Variants in CLEC7A observed in about 807,000 individuals in gnomAD.
CLEC7A encodes the protein C-type lectin domain family 7 member A.
A neutral mutation model predicts 26.9 loss-of-function variants in CLEC7A; 25 were observed. The observed-to-expected ratio is 0.93, with a 90% CI of 0.68 to 1.30. The LOEUF (loss-of-function observed/expected upper bound fraction) is 1.30, where lower values mean the gene tolerates loss of function less well. Ranked by LOEUF, CLEC7A falls within the 50% of genes most tolerant of loss-of-function variation. The pLI is 0.00. For missense variants in CLEC7A, 275 were observed against 286.7 expected (o/e 0.96, Z 0.29); for synonymous variants, 100 against 99.5 (o/e 1.01, Z -0.03).
chr12:10,118,342 CA>C lies in CLEC7A; in HGVS notation c.*115del. ...TTTCTTGGTTAAGATTACAGTTGGC[CA>C]AGCTCTCTAAACATTTTCTGCATTT... On this transcript the variant is annotated 3_prime_UTR_variant, in exon 6 of 6. Transcript: ENST00000304084. 1 of 996,082 alleles carries C rather than the reference CA, an allele frequency of 1.0e-6. No individual in the cohort carries two copies. The highest frequency in any genetic ancestry group is 1.5e-6 in the Non-Finnish European group (1 of 668,528). The allele number at this position is 996,082 out of a possible 1,614,324, so 61.7% of individuals were successfully genotyped here. A position where few individuals can be genotyped will look rare whatever the true frequency, so the allele number is the denominator to read the frequency against.
intron 5 of CLEC7A, among the ~76,000 whole-genome samples, chr12:10,120,608 T>G (rs903681603): frequency 1.3e-5 from 2 of 151,220 alleles, no homozygotes; most frequent in Non-Finnish European, 3.0e-5. Context: ...TTTTTTTTTT[T>G]GTAGAGATGG....
At position 10,125,350 on chromosome 12, in the gene CLEC7A, G is replaced by A. The variant is rs1452846421; in HGVS notation, c.439C>T (p.Gln147Ter). The part of the protein sequence containing the change: ...SLNSWDGSKR[Q>*]CWQLGSNLLK... Reference sequence around the variant, plus strand: ...AGATTAGAGCCCAGTTGCCAGCATTGTCTTTTACTTCCATCCCAGGAATTT... The same window carrying A: ...AGATTAGAGCCCAGTTGCCAGCATTATCTTTTACTTCCATCCCAGGAATTT... Residue 147 changes from glutamine to a stop codon, truncating the protein, a stop_gained, in exon 4 of 6, where the codon CAA becomes TAA. Coordinates refer to ENST00000304084, the MANE Select transcript of CLEC7A (RefSeq NM_197947.3). LOFTEE classifies it high-confidence loss of function. 5.0e-6 allele frequency: 8 copies of A among 1,613,520 alleles called. No individual in the cohort carries two copies. In the Admixed American group the frequency reaches 1.0e-4, roughly 20 times the overall value.
rs1947933376 is a variant in CLEC7A at position 10,117,004 on chromosome 12, T to C, written c.*1454A>G. 1 of 152,106 alleles carries C rather than the reference T, an allele frequency of 6.6e-6. No individual in the cohort carries two copies. Among genetic ancestry groups the C allele is most frequent in the African/African-American group, 2.4e-5 (1 of 41,420 alleles). The allele number at this position is 152,106 out of a possible 1,614,324, so 9.4% of individuals were successfully genotyped here. A position where few individuals can be genotyped will look rare whatever the true frequency, so the allele number is the denominator to read the frequency against. ...AGACAAATCAGCACATGAGGAAATA[T>C]AGTTTCATTCCAATAATACCATTTT... On this transcript the variant is annotated 3_prime_UTR_variant, in exon 6 of 6. Transcript: ENST00000304084.
chr12:10,128,075 G>GA (rs34193393), intron 1 of CLEC7A, among the ~76,000 whole-genome samples: 97,698 of 149,354 alleles, frequency 0.65, 35,629 homozygotes, highest in Non-Finnish European at 0.83. Context: ...AACAAAGAAA[G>GA]AAAAAAAATT....
intron 4 of CLEC7A, among the ~76,000 whole-genome samples, chr12:10,123,717 C>T (rs1213464546): frequency 7.3e-6 from 1 of 137,454 alleles, no homozygotes; most frequent in Non-Finnish European, 1.5e-5. Context: ...GCCGAGATTG[C>T]GCCACTGCAG....
At chr12:10,127,946 G>T in intron 1 of CLEC7A, 101 bp from the exon 2 acceptor site, 1 of 761,068 alleles carries the variant, frequency 1.3e-6, no homozygotes, top group Non-Finnish European at 2.1e-6. Flanking sequence ...CTTGCACGGT[G>T]GCTCACACCT....
chr12:10,123,412 GA>G (rs1223735216), intron 4 of CLEC7A, 49 bp from the exon 5 acceptor site: 1 of 1,019,682 alleles, frequency 9.8e-7, no homozygotes, highest in African/African-American at 1.6e-5. Flanking sequence ...GAGAGAGAGA[GA>G]AAGAAACTAT....
rs1325465330 is a variant in CLEC7A, at chr12:10,117,544, A to G, written c.*914T>C. 1 of 151,938 alleles carries G rather than the reference A, an allele frequency of 6.6e-6. No homozygotes were observed. Among genetic ancestry groups the G allele is most frequent in the Non-Finnish European group, 1.5e-5 (1 of 68,090 alleles). The allele number at this position is 151,938 out of a possible 1,614,324, so 9.4% of individuals were successfully genotyped here. ...AAACTCTGTCTCAAAAAAAAAAAAA[A>G]AAAAAAAGATTCTATTAGAGATATG... is the stretch of plus-strand genomic sequence containing the variant. On this transcript the variant is annotated 3_prime_UTR_variant, in exon 6 of 6. Coordinates refer to ENST00000304084, the MANE Select transcript of CLEC7A (RefSeq NM_197947.3).
rs1300754891 is a variant in CLEC7A, at chr12:10,126,726, A to G, written c.203-18T>C. 1.9e-6 allele frequency: 3 copies of G among 1,583,144 alleles called. No individual in the cohort carries two copies. The African/African-American group carries it at 4.1e-5, about 21-fold the overall frequency. On this transcript the variant is annotated intron_variant, in intron 2 of 5. Transcript: ENST00000304084. ...CCAAATAGCTTCACATACCAACAAT[A>G]ATAATAGTGACAGAAAAAATGTCAT...
chr12:10,127,543 A>T (rs1316395487), intron 2 of CLEC7A: 1 of 1,232,570 alleles, frequency 8.1e-7, no homozygotes, highest in South Asian at 1.2e-5. Context: ...CTAGCTTATA[A>T]CCCTGGAAAG....
In CLEC7A at chr12:10,118,053, A is replaced by ACCCAG; in HGVS notation, c.*404_*405insCTGGG. ...CCAGTCTCTACAAAAAACACCAAAA[A>ACCCAG]TTAGCCTGGCATGGTGGCATGCACC... On this transcript the variant is annotated 3_prime_UTR_variant, in exon 6 of 6. Coordinates refer to ENST00000304084, the MANE Select transcript of CLEC7A (RefSeq NM_197947.3). 5.9e-6 allele frequency: 1 copy of ACCCAG among 168,414 alleles called. No individual in the cohort carries two copies. The highest frequency in any genetic ancestry group is 1.3e-5 in the Non-Finnish European group (1 of 78,994). 10.4% of individuals were successfully genotyped at this position (168,414 alleles called of 1,614,324 possible). A position where few individuals can be genotyped will look rare whatever the true frequency, so the allele number is the denominator to read the frequency against.
chr12:10,118,885 CT>C (rs1162811958), intron 5 of CLEC7A, among the ~76,000 whole-genome samples: 5 of 151,900 alleles, frequency 3.3e-5, no homozygotes, highest in African/African-American at 9.7e-5. Flanking sequence ...ATAAAAAGTT[CT>C]TTATATATCT....
intron 3 of CLEC7A, among the ~76,000 whole-genome samples, chr12:10,125,797 G>A (rs1217757078): frequency 2.6e-5 from 4 of 152,066 alleles, no homozygotes; most frequent in Non-Finnish European, 5.9e-5. Context: ...GAGGTACACA[G>A]CAATTTCATA....
chr12:10,127,334 T>G, intron 2 of CLEC7A: 3 of 1,542,698 alleles, frequency 1.9e-6, no homozygotes, highest in Non-Finnish European at 2.6e-6. Flanking sequence ...TAATGTCCAT[T>G]TAGTGAATTT....
intron 5 of CLEC7A, among the ~76,000 whole-genome samples, chr12:10,120,366 T>G (rs1346129568): frequency 6.6e-6 from 1 of 151,820 alleles, no homozygotes; most frequent in Non-Finnish European, 1.5e-5. Context: ...AAAACAACAG[T>G]AAAAAATAGA....
In CLEC7A at chr12:10,126,651, C is replaced by G. The variant is rs1948294890; in HGVS notation, c.260G>C (p.Arg87Thr). Residue 87 changes from arginine (R) to threonine (T), a missense_variant, in exon 3 of 6, where the codon AGA becomes ACA. Arg to Thr is a moderately conservative substitution (Grantham distance 71). Coordinates refer to ENST00000304084, the MANE Select transcript of CLEC7A (RefSeq NM_197947.3). ...NTLENGYFLSRNKENHSQPTQ... is the reference protein window; with the variant it reads ...NTLENGYFLSTNKENHSQPTQ... ...GGGTTGACTGTGGTTCTCTTTATTT[C>G]TTGATAGAAAGTAGCCATTCTCCAA... is the stretch of plus-strand genomic sequence containing the variant. 6.2e-7 allele frequency: 1 copy of G among 1,612,542 alleles called. No homozygotes were observed. Among genetic ancestry groups the G allele is most frequent in the South Asian group, 1.1e-5 (1 of 90,940 alleles).
chr12:10,118,733 T>C (rs1278247041), intron 5 of CLEC7A, 143 bp from the exon 6 acceptor site: 17 of 665,916 alleles, frequency 2.6e-5, no homozygotes, highest in Non-Finnish European at 3.5e-5. Flanking sequence ...TAAATCTAAA[T>C]TGTTGTGAAT....
At chr12:10,126,784 C>A in intron 2 of CLEC7A, 76 bp from the exon 3 acceptor site, 1 of 1,172,900 alleles carries the variant, frequency 8.5e-7, no homozygotes, top group South Asian at 1.5e-5. Flanking sequence ...ATCCCAAAAC[C>A]CAAATGTTAT....
intron 1 of CLEC7A, among the ~76,000 whole-genome samples, chr12:10,128,329 T>C (rs1044377291): frequency 6.6e-6 from 1 of 151,974 alleles, no homozygotes; most frequent in Non-Finnish European, 1.5e-5. Context: ...TCACCTAGGA[T>C]TTGCTGTGCT....
Sources: gnomAD v4.1 joint callset for allele counts (sites outside exome capture counted in the v4.1 genomes callset) on GRCh38, gnomAD v4.1.1 for gene constraint, MANE v1.5 for transcripts, NCBI Gene and HGNC (gene_info 2026-07-23, HGNC 2026-07-21) for gene names.